Variants in PPARGC1A observed in about 807,000 individuals in gnomAD.
PPARGC1A encodes the protein PPARG coactivator 1 alpha, also known as peroxisome proliferator-activated receptor gamma coactivator 1-alpha.
PPARGC1A carries 25 observed loss-of-function variants against 88.7 expected under a neutral mutation model. The ratio of observed to expected loss-of-function variants is 0.28; its 90% confidence interval spans 0.21 to 0.39. The LOEUF is 0.39. Among genes scored for constraint, PPARGC1A ranks in the 10% least tolerant of loss-of-function variants. PPARGC1A has a pLI of 1.00. For synonymous variants in PPARGC1A, 363 were observed against 355.6 expected (o/e 1.02, Z -0.24); for missense variants, 880 against 968.7 (o/e 0.91, Z 1.22).
At chr4:24,329,259 T>G in the PPARGC1A span, among the ~76,000 whole-genome samples, 1 of 143,328 alleles carries the variant, frequency 7.0e-6, no homozygotes. Context: ...CTCTTTAAGC[T>G]TTTTTTTTTT....
chr4:24,332,935 T>C, the PPARGC1A span, among the ~76,000 whole-genome samples: 1 of 152,138 alleles, frequency 6.6e-6, no homozygotes, highest in African/African-American at 2.4e-5. Context: ...AACAGATGAG[T>C]AAATACTTTA....
the PPARGC1A span, among the ~76,000 whole-genome samples, chr4:24,181,949 C>G: frequency 6.6e-6 from 1 of 151,932 alleles, no homozygotes; most frequent in Non-Finnish European, 1.5e-5. Context: ...GAAACAAGAT[C>G]ACATCTATCA....
At chr4:24,234,028 A>G in the PPARGC1A span, among the ~76,000 whole-genome samples, 3 of 152,206 alleles carry the variant, frequency 2.0e-5, no homozygotes, top group African/African-American at 4.8e-5. Flanking sequence ...GGGAAAACCA[A>G]TACAATAACG....
the PPARGC1A span, among the ~76,000 whole-genome samples, chr4:24,123,374 C>T: frequency 2.6e-5 from 4 of 152,118 alleles, no homozygotes; most frequent in African/African-American, 9.7e-5. Flanking sequence ...GCTAATGCTC[C>T]CTCTCCCTTG....
chr4:23,889,726 C>T (rs936708953), intron 1 of PPARGC1A, among the ~76,000 whole-genome samples, 178 bp downstream of exon 1: 4 of 152,136 alleles, frequency 2.6e-5, no homozygotes, highest in Non-Finnish European at 5.9e-5. Context: ...ATCTCAGAGC[C>T]ACCTTAAAAT....
the PPARGC1A span, among the ~76,000 whole-genome samples, chr4:24,060,635 C>A: frequency 6.6e-6 from 1 of 152,110 alleles, no homozygotes; most frequent in African/African-American, 2.4e-5. Context: ...TTAAAGGGAG[C>A]AATTTGAAGG....
the PPARGC1A span, among the ~76,000 whole-genome samples, chr4:24,317,177 A>G: frequency 2.6e-4 from 39 of 152,164 alleles, no homozygotes; most frequent in African/African-American, 9.4e-4. Flanking sequence ...TACTACCCTT[A>G]ACCATTGCAA....
chr4:24,018,936 T>C, the PPARGC1A span, among the ~76,000 whole-genome samples: 1 of 152,222 alleles, frequency 6.6e-6, no homozygotes, highest in Admixed American at 6.5e-5. Context: ...AAATTGTATT[T>C]CCATATACCA....
At chr4:24,186,807 C>T in the PPARGC1A span, among the ~76,000 whole-genome samples, 1 of 149,418 alleles carries the variant, frequency 6.7e-6, no homozygotes, top group African/African-American at 2.5e-5. Flanking sequence ...AGCTACTTGC[C>T]TGCAAAAAAA....
the PPARGC1A span, among the ~76,000 whole-genome samples, chr4:24,442,212 A>G: frequency 6.6e-6 from 1 of 152,238 alleles, no homozygotes; most frequent in Non-Finnish European, 1.5e-5. Flanking sequence ...TATTCTTGTT[A>G]TCTCTACCTC....
At chr4:24,072,956 C>A in the PPARGC1A span, among the ~76,000 whole-genome samples, 4,213 of 152,248 alleles carry the variant, frequency 0.028, 185 homozygotes, top group African/African-American at 0.095. Context: ...GGGATTCATA[C>A]ACAGAAAAGA....
the PPARGC1A span, among the ~76,000 whole-genome samples, chr4:24,409,681 T>C: frequency 1.3e-5 from 2 of 152,194 alleles, no homozygotes; most frequent in Admixed American, 1.3e-4. Context: ...CCAGGGAGGA[T>C]GTGCTGGGGT....
chr4:24,237,748 T>C, the PPARGC1A span, among the ~76,000 whole-genome samples: 105 of 152,284 alleles, frequency 6.9e-4, 2 homozygotes, highest in East Asian at 0.012. Flanking sequence ...CATAAGACAC[T>C]GCAAAACTAT....
chr4:24,184,021 T>C, the PPARGC1A span, among the ~76,000 whole-genome samples: 1 of 152,238 alleles, frequency 6.6e-6, no homozygotes, highest in Non-Finnish European at 1.5e-5. Flanking sequence ...CCTGGATATC[T>C]TCTGTCCAAC....
At chr4:24,054,787 A>G in the PPARGC1A span, among the ~76,000 whole-genome samples, 1 of 152,224 alleles carries the variant, frequency 6.6e-6, no homozygotes, top group African/African-American at 2.4e-5. Context: ...TGTCTTTCAC[A>G]GGATATATCT....
chr4:24,327,591 C>T, the PPARGC1A span, among the ~76,000 whole-genome samples: 1 of 152,006 alleles, frequency 6.6e-6, no homozygotes, highest in African/African-American at 2.4e-5. Flanking sequence ...ACCAATCATC[C>T]TATGCGACAA....
At chr4:24,366,131 A>T in the PPARGC1A span, among the ~76,000 whole-genome samples, 1 of 152,184 alleles carries the variant, frequency 6.6e-6, no homozygotes, top group Non-Finnish European at 1.5e-5. Flanking sequence ...GTTGAAATGC[A>T]CGCCATCAAA....
At chr4:24,226,833 T>G in the PPARGC1A span, among the ~76,000 whole-genome samples, 1 of 152,146 alleles carries the variant, frequency 6.6e-6, no homozygotes, top group Admixed American at 6.5e-5. Context: ...AGGTCTATGA[T>G]CGTGTGATGT....
chr4:24,319,253 G>A, the PPARGC1A span, among the ~76,000 whole-genome samples: 1 of 152,124 alleles, frequency 6.6e-6, no homozygotes, highest in African/African-American at 2.4e-5. Flanking sequence ...GAGGTGGGGG[G>A]ATCCCTTGAG....
Sources: gnomAD v4.1 joint callset for allele counts (sites outside exome capture counted in the v4.1 genomes callset) on GRCh38, gnomAD v4.1.1 for gene constraint, MANE v1.5 for transcripts, NCBI Gene and HGNC (gene_info 2026-07-23, HGNC 2026-07-21) for gene names.